UROS: variants seen among roughly 807,000 people sequenced by gnomAD.
UROS encodes uroporphyrinogen-III synthase.
Under a neutral mutation model 33.0 loss-of-function variants are expected in UROS, and 18 were observed. The observed-to-expected ratio is 0.55, with a 90% CI of 0.38 to 0.81. The LOEUF is 0.81. Ranked by LOEUF, UROS falls within the 30% of genes least tolerant of loss-of-function variation. UROS has a pLI of 0.00. For synonymous variants in UROS, 114 were observed against 121.1 expected (o/e 0.94, Z 0.38); for missense variants, 293 against 314.9 (o/e 0.93, Z 0.53).
intron 6 of UROS, chr10:125,803,145 C>T (rs992117602): frequency 2.9e-6 from 4 of 1,364,378 alleles, no homozygotes; most frequent in African/African-American, 3.0e-5. Context: ...CCCCAGCCTA[C>T]CACTATTAGC....
chr10:125,795,955 C>T, intron 8 of UROS, 148 bp downstream of exon 8: 1 of 777,172 alleles, frequency 1.3e-6, no homozygotes, highest in Admixed American at 1.8e-5. Context: ...AATCCCAGAC[C>T]AACTATGTGA....
At chr10:125,792,215 T>A (rs947710040) in intron 9 of UROS, 4 of 152,190 alleles carry the variant, frequency 2.6e-5, no homozygotes, top group Non-Finnish European at 4.4e-5. Context: ...ATGGCAAACA[T>A]GACTGTAGTC....
At chr10:125,796,887 CA>C (rs1396823491) in intron 7 of UROS, 1 of 984,444 alleles carries the variant, frequency 1.0e-6, no homozygotes, top group African/African-American at 1.7e-5. Flanking sequence ...GAAACTCTCT[CA>C]GAAGAAATGA....
chr10:125,806,756 G>C (rs1852370591), intron 6 of UROS, among the ~76,000 whole-genome samples: 1 of 152,176 alleles, frequency 6.6e-6, no homozygotes, highest in Admixed American at 6.5e-5. Context: ...GGGTGTAAGA[G>C]CTTGCGGTTG....
chr10:125,804,782 C>T (rs1048650806), intron 6 of UROS, among the ~76,000 whole-genome samples: 18 of 152,184 alleles, frequency 1.2e-4, no homozygotes, highest in African/African-American at 3.4e-4. Flanking sequence ...GCCCACCATA[C>T]AAAAACTGTT....
intron 1 of UROS, among the ~76,000 whole-genome samples, chr10:125,817,135 C>T (rs763328474): frequency 2.0e-5 from 3 of 150,996 alleles, no homozygotes; most frequent in Non-Finnish European, 2.9e-5. Flanking sequence ...AAGATGCTCA[C>T]ACTAGAATTC....
At chr10:125,800,299 G>A (rs771408505) in intron 6 of UROS, among the ~76,000 whole-genome samples, 10 of 152,200 alleles carry the variant, frequency 6.6e-5, no homozygotes, top group Admixed American at 2.6e-4. Context: ...ACGTCTGCCC[G>A]TTTGTCTGCC....
intron 6 of UROS, among the ~76,000 whole-genome samples, chr10:125,806,045 T>C (rs1312083571): frequency 6.6e-6 from 1 of 152,026 alleles, no homozygotes; most frequent in East Asian, 1.9e-4. Flanking sequence ...CAGACCACAG[T>C]GTAGAAAAAG....
Position 125,816,248 on chromosome 10 carries a change from A to G in UROS, c.76T>C (p.Tyr26His). 1 of 1,614,178 alleles carries G rather than the reference A, an allele frequency of 6.2e-7. No individual in the cohort carries two copies. Among genetic ancestry groups the G allele is most frequent in the East Asian group, 2.2e-5 (1 of 44,878 alleles). The change falls in exon 3 of 10, where the codon TAT (tyrosine) becomes CAT (histidine). Residue 26 changes from tyrosine to histidine, a missense_variant. Coordinates refer to ENST00000368797, the MANE Select transcript of UROS (RefSeq NM_000375.3). Reference sequence around the variant, plus strand: ...GGGATCAAAGTGGCTTCAAGTCCATATAATCCTAATTCCTGAAATGAAAGA... The same window carrying G: ...GGGATCAAAGTGGCTTCAAGTCCATGTAATCCTAATTCCTGAAATGAAAGA... The part of the protein sequence containing the change: ...QDPYIRELGL[Y>H]GLEATLIPVL...
At chr10:125,813,771 G>A (rs570143391) in intron 4 of UROS, among the ~76,000 whole-genome samples, 7 of 152,346 alleles carry the variant, frequency 4.6e-5, no homozygotes, top group African/African-American at 1.2e-4. Context: ...GAGCCACTGC[G>A]CCTGGCTGGC....
intron 4 of UROS, among the ~76,000 whole-genome samples, chr10:125,813,235 C>G (rs1176640258): frequency 6.6e-6 from 1 of 152,158 alleles, no homozygotes; most frequent in African/African-American, 2.4e-5. Flanking sequence ...GTGTGTGTCC[C>G]AGGTAAGTCA....
intron 6 of UROS, among the ~76,000 whole-genome samples, chr10:125,799,621 C>T (rs560416365): frequency 9.9e-5 from 15 of 152,250 alleles, no homozygotes; most frequent in South Asian, 2.1e-4. Flanking sequence ...AAGGCTGGGC[C>T]GAAGGGGTAC....
chr10:125,801,278 C>T (rs1253246558), intron 6 of UROS, among the ~76,000 whole-genome samples: 5 of 152,202 alleles, frequency 3.3e-5, no homozygotes, highest in African/African-American at 4.8e-5. Context: ...CACACAGTTT[C>T]TCTCTCTTTT....
intron 6 of UROS, among the ~76,000 whole-genome samples, chr10:125,804,187 T>C (rs1426434913): frequency 6.6e-6 from 1 of 152,244 alleles, no homozygotes; most frequent in Non-Finnish European, 1.5e-5. Context: ...ATCACAACCA[T>C]GTGATCAAAG....
intron 6 of UROS, among the ~76,000 whole-genome samples, chr10:125,804,085 C>A (rs1418624996): frequency 6.6e-6 from 1 of 152,212 alleles, no homozygotes; most frequent in East Asian, 1.9e-4. Context: ...TCATGATAAA[C>A]CCCTTTTAAC....
In UROS at chr10:125,798,101, T is replaced by A. The variant is rs1296201203; in HGVS notation, c.439A>T (p.Lys147Ter). 5 of 1,614,080 alleles carry A rather than the reference T, an allele frequency of 3.1e-6. No homozygotes were observed. The highest frequency in any genetic ancestry group is 2.2e-5 in the South Asian group (2 of 91,090). Residue 147 changes from lysine to a stop codon, truncating the protein, a stop_gained, in exon 7 of 10, where the codon AAA becomes TAA. Coordinates refer to ENST00000368797, the MANE Select transcript of UROS (RefSeq NM_000375.3). LOFTEE classifies it high-confidence loss of function. Reference sequence around the variant, plus strand: ...AGCGCTTTTGGCAGGATTTCTCTTTTGAGGTTTCCACAGGGAAATAGAAGA... The same window carrying A: ...AGCGCTTTTGGCAGGATTTCTCTTTAGAGGTTTCCACAGGGAAATAGAAGA... ...LPLLFPCGNL[K>*]REILPKALKD...
At chr10:125,791,377 C>T (rs569062862) in intron 9 of UROS, 1 of 152,240 alleles carries the variant, frequency 6.6e-6, no homozygotes, top group Admixed American at 6.5e-5. Flanking sequence ...AACCCTTACA[C>T]ATTGCTAGTG....
chr10:125,793,243 A>G (rs1221084324), intron 9 of UROS: 2 of 151,212 alleles, frequency 1.3e-5, no homozygotes, highest in Non-Finnish European at 2.9e-5. Context: ...AAGATAGAGT[A>G]TAAATCTTTT....
At chr10:125,786,746 C>T (rs1850643895), downstream of UROS, among the ~76,000 whole-genome samples, 1 of 152,206 alleles carries the variant, frequency 6.6e-6, no homozygotes, top group South Asian at 2.1e-4. Context: ...ACAGAAACTG[C>T]AGTCCCGTGG....
Sources: gnomAD v4.1 joint callset for allele counts (sites outside exome capture counted in the v4.1 genomes callset) on GRCh38, gnomAD v4.1.1 for gene constraint, MANE v1.5 for transcripts, NCBI Gene and HGNC (gene_info 2026-07-23, HGNC 2026-07-21) for gene names.